Variants in LEPR observed in about 807,000 individuals in gnomAD.
LEPR encodes OB receptor.
Under a neutral mutation model 114.7 loss-of-function variants are expected in LEPR, and 56 were observed. The observed-to-expected ratio is 0.49, with a 90% CI of 0.39 to 0.61. The LOEUF (loss-of-function observed/expected upper bound fraction) is 0.61. LEPR is among the 20% of genes least tolerant of loss of function. LEPR has a pLI of 0.00. For missense variants in LEPR, 1,202 were observed against 1,352.9 expected (o/e 0.89, Z 1.75); for synonymous variants, 443 against 461.4 (o/e 0.96, Z 0.51).
chr1:65,466,116 AG>A (rs1647008250), intron 2 of LEPR, among the ~76,000 whole-genome samples: 1 of 152,164 alleles, frequency 6.6e-6, no homozygotes, highest in Non-Finnish European at 1.5e-5. Context: ...GTTTCTTCAT[AG>A]TGTCCTTGGT....
At chr1:65,614,058 C>A (rs767330637) in intron 14 of LEPR, among the ~76,000 whole-genome samples, 2 of 152,132 alleles carry the variant, frequency 1.3e-5, no homozygotes, top group Non-Finnish European at 2.9e-5. Context: ...CAAATTTAAA[C>A]ATAGCCTTAC....
chr1:65,587,509 C>A (rs12042884), intron 5 of LEPR, among the ~76,000 whole-genome samples: 4 of 151,854 alleles, frequency 2.6e-5, no homozygotes, highest in Admixed American at 6.6e-5. Flanking sequence ...TATTCACACC[C>A]TTGTAAACAT....
chr1:65,620,598 A>G (rs192334780), intron 17 of LEPR, among the ~76,000 whole-genome samples: 2 of 152,304 alleles, frequency 1.3e-5, no homozygotes, highest in Admixed American at 1.3e-4. Flanking sequence ...GTGGCACTTT[A>G]GTTGATAGCC....
intron 2 of LEPR, among the ~76,000 whole-genome samples, chr1:65,452,829 G>C (rs1208675633): frequency 6.6e-6 from 1 of 151,286 alleles, no homozygotes; most frequent in Non-Finnish European, 1.5e-5. Context: ...TTTTTCTATT[G>C]ATTGGAGTAG....
At chr1:65,496,046 G>C (rs544325687) in intron 2 of LEPR, among the ~76,000 whole-genome samples, 1 of 152,148 alleles carries the variant, frequency 6.6e-6, no homozygotes, top group Non-Finnish European at 1.5e-5. Context: ...AGTTAGAAGA[G>C]AGAATTTTGA....
chr1:65,601,997 C>A, intron 10 of LEPR, 37 bp downstream of exon 10: 1 of 1,533,182 alleles, frequency 6.5e-7, no homozygotes, highest in Non-Finnish European at 9.0e-7. Flanking sequence ...TTTCTGTGGG[C>A]ACAGTGAGAT....
intron 5 of LEPR, among the ~76,000 whole-genome samples, chr1:65,591,465 G>C (rs774963765): frequency 6.6e-6 from 1 of 151,950 alleles, no homozygotes; most frequent in African/African-American, 2.4e-5. Context: ...TCTCCTTAAG[G>C]TTCTCTCAAT....
At chr1:65,424,122 A>G (rs1470497555) in intron 1 of LEPR, among the ~76,000 whole-genome samples, 1 of 152,126 alleles carries the variant, frequency 6.6e-6, no homozygotes, top group Non-Finnish European at 1.5e-5. Context: ...AAGATTTTGT[A>G]ACAACCTTGA....
At chr1:65,537,990 A>G (rs1334550265) in intron 2 of LEPR, among the ~76,000 whole-genome samples, 4 of 152,096 alleles carry the variant, frequency 2.6e-5, no homozygotes, top group African/African-American at 7.2e-5. Flanking sequence ...TAATTCTAGC[A>G]TTTGCTAAAA....
At chr1:65,440,000 CA>C (rs550347312) in intron 2 of LEPR, among the ~76,000 whole-genome samples, 7,922 of 57,522 alleles carry the variant, frequency 0.14, 42 homozygotes, top group South Asian at 0.21. Flanking sequence ...GATTCTGTCT[CA>C]AAAAAAAAAA....
rs1655795393 is a variant in LEPR at position 65,592,792 on chromosome 1, T to C, written c.630T>C (p.Leu210=). ...CAGCCAAACTCAACGACACTCTCCTTATGTGTTTGAAAATCACATCTGGTG... is the reference window on the plus strand; with the variant it reads ...CAGCCAAACTCAACGACACTCTCCTCATGTGTTTGAAAATCACATCTGGTG... ...VPTAKLNDTL[L]MCLKITSGGV... The change falls in exon 6 of 20, where the codon CTT becomes CTC. Residue 210 remains leucine, a synonymous_variant. Coordinates refer to ENST00000349533, the MANE Select transcript of LEPR (RefSeq NM_002303.6). The C allele has an allele frequency of 1.2e-6, 2 of 1,613,284 alleles. No individual in the cohort carries two copies. Among genetic ancestry groups the C allele is most frequent in the Non-Finnish European group, 1.7e-6 (2 of 1,179,498 alleles).
intron 2 of LEPR, among the ~76,000 whole-genome samples, chr1:65,542,630 C>T (rs1570646765): frequency 6.6e-6 from 1 of 151,804 alleles, no homozygotes; most frequent in South Asian, 2.1e-4. Context: ...CACCCCCCGA[C>T]AGGCCCTGGT....
At chr1:65,526,061 A>T in intron 2 of LEPR, 5 of 947,622 alleles carry the variant, frequency 5.3e-6, no homozygotes, top group Non-Finnish European at 5.0e-6. Context: ...ATCTGGACAC[A>T]CGGCTGACAG....
chr1:65,626,416 A>C (rs1022192163), intron 19 of LEPR: 1 of 697,408 alleles, frequency 1.4e-6, no homozygotes, highest in African/African-American at 1.9e-5. Flanking sequence ...TAATCTTATA[A>C]ATTATTTTTT....
chr1:65,455,668 A>G (rs1279505796), intron 2 of LEPR, among the ~76,000 whole-genome samples: 6 of 152,110 alleles, frequency 3.9e-5, no homozygotes, highest in Admixed American at 1.3e-4. Context: ...TGCTGGGAGA[A>G]CCACTGCTCT....
Position 65,623,264 on chromosome 1 carries a change from G to T in LEPR, c.2673+283G>T, listed in dbSNP as rs567452925. ...TAAAATAAATATTAGAAAGTTAAGG[G>T]TCAATCTGATGGAGAACAGATATTT... On this transcript the variant is annotated intron_variant, in intron 19 of 19. Coordinates refer to ENST00000349533, the MANE Select transcript of LEPR (RefSeq NM_002303.6). 62 of 305,446 alleles carry T rather than the reference G, an allele frequency of 2.0e-4. 1 individual carries two copies. The highest frequency in any genetic ancestry group is 1.2e-3 in the African/African-American group (54 of 45,732). The allele number at this position is 305,446 out of a possible 1,614,324, so 18.9% of individuals were successfully genotyped here.
intron 2 of LEPR, among the ~76,000 whole-genome samples, chr1:65,534,586 A>G (rs1237441893): frequency 6.6e-6 from 1 of 152,338 alleles, no homozygotes; most frequent in Non-Finnish European, 1.5e-5. Context: ...ACTAGAAGGT[A>G]GTAAGTATAT....
Position 65,637,159 on chromosome 1 carries a change from C to G in LEPR, c.*144C>G. 1.0e-6 allele frequency: 1 copy of G among 982,598 alleles called. No homozygotes were observed. Among genetic ancestry groups the G allele is most frequent in the Non-Finnish European group, 1.5e-6 (1 of 687,378 alleles). 60.9% of individuals were successfully genotyped at this position (982,598 alleles called of 1,614,324 possible). ...AATGAATGTTGTCTGTTTGTTCTCT[C>G]TTAGTAACATAGACAAAAAATTTGA... On this transcript the variant is annotated 3_prime_UTR_variant, in exon 20 of 20. Coordinates refer to ENST00000349533, the MANE Select transcript of LEPR (RefSeq NM_002303.6).
chr1:65,635,345 T>C, intron 19 of LEPR: 1 of 984,914 alleles, frequency 1.0e-6, no homozygotes, highest in Non-Finnish European at 1.2e-6. Flanking sequence ...AATTGAGCTT[T>C]TTGCCCACAG....
Sources: gnomAD v4.1 joint callset for allele counts (sites outside exome capture counted in the v4.1 genomes callset) on GRCh38, gnomAD v4.1.1 for gene constraint, MANE v1.5 for transcripts, NCBI Gene and HGNC (gene_info 2026-07-23, HGNC 2026-07-21) for gene names.